The following GPX4 variants were observed in gnomAD, a reference collection of about 807,000 sequenced individuals.
The protein encoded by GPX4 is phospholipid hydroperoxide glutathione peroxidase GPX4.
In GPX4, 28 loss-of-function variants were observed where a neutral mutation model predicts 27.8. The observed-to-expected ratio is 1.01, with a 90% CI of 0.75 to 1.38. The LOEUF (loss-of-function observed/expected upper bound fraction) is 1.38. GPX4 is among the 40% of genes most tolerant of loss of function. GPX4 has a pLI of 0.00. For synonymous variants in GPX4, 163 were observed against 107.8 expected (o/e 1.51, Z -3.17); for missense variants, 357 against 274.1 (o/e 1.30, Z -2.14).
At chr19:1,105,881 C>T (rs1480396567) in intron 4 of GPX4, 72 bp downstream of exon 4, 4 of 1,435,878 alleles carry the variant, frequency 2.8e-6, no homozygotes, top group Non-Finnish European at 3.7e-6. Flanking sequence ...TCACACCTCC[C>T]TGGGGCAGAA....
At position 1,104,144 on chromosome 19, in the gene GPX4, G is replaced by A. The variant is rs1301247648; in HGVS notation, c.84+17G>A. ...GGGACCATGGTGAGCTAGCGCCGCG[G>A]CCGTTGCCGGCCCGGTGACCGTTGG... On this transcript the variant is annotated intron_variant, in intron 1 of 6. Transcript: ENST00000354171. The A allele has an allele frequency of 1.4e-6, 2 of 1,441,126 alleles. No homozygotes were observed. Among genetic ancestry groups the A allele is most frequent in the Non-Finnish European group, 9.1e-7 (1 of 1,104,284 alleles). 89.3% of individuals were successfully genotyped at this position (1,441,126 alleles called of 1,614,324 possible). A position where few individuals can be genotyped will look rare whatever the true frequency, so the allele number is the denominator to read the frequency against.
At chr19:1,106,215 G>A (rs370284106) in intron 4 of GPX4, 27 bp from the exon 5 acceptor site, 71 of 1,590,308 alleles carry the variant, frequency 4.5e-5, no homozygotes, top group Admixed American at 4.2e-4. Flanking sequence ...TGCTGGGGAC[G>A]CTCACGTCCA....
rs199948868 is a variant in GPX4 at position 1,106,533 on chromosome 19, C to T, written c.562-7C>T. 1.9e-6 allele frequency: 3 copies of T among 1,613,178 alleles called. No individual in the cohort carries two copies. The highest frequency in any genetic ancestry group is 1.3e-5 in the African/African-American group (1 of 74,872). ...AGCTGCCCTAACCCAGCTTTCCTCCCCGACAGGTGATAGAGAAGGACCTGC... is the reference window on the plus strand; with the variant it reads ...AGCTGCCCTAACCCAGCTTTCCTCCTCGACAGGTGATAGAGAAGGACCTGC... On this transcript the variant is annotated splice_polypyrimidine_tract_variant and splice_region_variant and intron_variant, in intron 6 of 6. Coordinates refer to ENST00000354171, the MANE Select transcript of GPX4 (RefSeq NM_002085.5).
chr19:1,104,100 G>T lies in GPX4; in HGVS notation c.57G>T (p.Leu19=). The stretch of plus-strand genomic sequence containing the variant: ...AGCCGGCGCTGCTCTGTGGGGCTCT[G>T]GCCGCGCCTGGCCTGGCCGGGACCA... ...LLKPALLCGA[L]AAPGLAGTMC... is the part of the protein sequence containing the mutation. The change falls in exon 1 of 7, where the codon CTG becomes CTT. Residue 19 remains leucine, a synonymous_variant. Coordinates refer to ENST00000354171, the MANE Select transcript of GPX4 (RefSeq NM_002085.5). 1 of 1,506,264 alleles carries T rather than the reference G, an allele frequency of 6.6e-7. No homozygotes were observed. Among genetic ancestry groups the T allele is most frequent in the Non-Finnish European group, 8.8e-7 (1 of 1,134,510 alleles). 93.3% of individuals were successfully genotyped at this position (1,506,264 alleles called of 1,614,324 possible).
At chr19:1,104,537 C>A in intron 1 of GPX4, 1 of 713,950 alleles carries the variant, frequency 1.4e-6, no homozygotes, top group Non-Finnish European at 1.7e-6. Flanking sequence ...CCGAGCGGGG[C>A]TGCTGCGCCC....
At chr19:1,105,053 G>C in intron 1 of GPX4, 133 bp from the exon 2 acceptor site, 1 of 1,470,154 alleles carries the variant, frequency 6.8e-7, no homozygotes, top group Middle Eastern at 2.2e-4. Context: ...TTAAGGAGGA[G>C]GAGCGTTCAG....
chr19:1,105,196 G>A lies in GPX4; in HGVS notation c.95G>A (p.Arg32Gln), dbSNP rs369712159. ...PGLAGTMCAS[R>Q]DDWRCARSMH... is the part of the protein sequence containing the mutation. ...TCCTTTGCCTTGCAGTGCGCGTCCCGGGACGACTGGCGCTGTGCGCGCTCC... is the reference window on the plus strand; with the variant it reads ...TCCTTTGCCTTGCAGTGCGCGTCCCAGGACGACTGGCGCTGTGCGCGCTCC... The change falls in exon 2 of 7, where the codon CGG becomes CAG. Residue 32 changes from arginine (R) to glutamine (Q), a missense_variant. Physicochemically the swap from Arg to Gln is conservative, Grantham distance 43. Transcript: ENST00000354171. The A allele has an allele frequency of 1.2e-6, 2 of 1,612,996 alleles. No individual in the cohort carries two copies. Among genetic ancestry groups the A allele is most frequent in the Non-Finnish European group, 1.7e-6 (2 of 1,179,884 alleles).
chr19:1,106,434 G>A lies in GPX4; in HGVS notation c.536G>A (p.Arg179His), dbSNP rs763745871. Residue 179 changes from arginine (R) to histidine (H), a missense_variant, in exon 6 of 7, where the codon CGC (arginine) becomes CAC (histidine). Arg to His is a conservative substitution (Grantham distance 29). Coordinates refer to ENST00000354171, the MANE Select transcript of GPX4 (RefSeq NM_002085.5). ...GACAAGAACGGCTGCGTGGTGAAGCGCTACGGACCCATGGAGGAGCCCCTG... is the reference window on the plus strand; with the variant it reads ...GACAAGAACGGCTGCGTGGTGAAGCACTACGGACCCATGGAGGAGCCCCTG... ...LIDKNGCVVK[R>H]YGPMEEPLVI... is the part of the protein sequence containing the mutation. 22 of 1,613,276 alleles carry A rather than the reference G, an allele frequency of 1.4e-5. No individual in the cohort carries two copies. The highest frequency in any genetic ancestry group is 9.9e-5 in the South Asian group (9 of 91,084).
chr19:1,104,401 G>A lies in GPX4; in HGVS notation c.84+274G>A, dbSNP rs2079623837. ...CGCGCGGGTCGTGGTCGGGGAAGGG[G>A]CCGTCCAGGCCGTTGCAGGCGCGCG... On this transcript the variant is annotated intron_variant, in intron 1 of 6. Coordinates refer to ENST00000354171, the MANE Select transcript of GPX4 (RefSeq NM_002085.5). 2.7e-5 allele frequency: 11 copies of A among 410,426 alleles called. No individual in the cohort carries two copies. In the East Asian group the frequency reaches 4.0e-4, roughly 15 times the overall value. The allele number at this position is 410,426 out of a possible 1,614,324, so 25.4% of individuals were successfully genotyped here. A position where few individuals can be genotyped will look rare whatever the true frequency, so the allele number is the denominator to read the frequency against.
chr19:1,104,097 T>TCTGGCCGCGC lies in GPX4; in HGVS notation c.61_70dup (p.Leu24ArgfsTer35). 1 of 1,510,532 alleles carries TCTGGCCGCGC rather than the reference T, an allele frequency of 6.6e-7. No homozygotes were observed. Among genetic ancestry groups the TCTGGCCGCGC allele is most frequent in the Non-Finnish European group, 8.8e-7 (1 of 1,136,400 alleles). The allele number at this position is 1,510,532 out of a possible 1,614,324, so 93.6% of individuals were successfully genotyped here. Reference sequence around the variant, plus strand: ...TGAAGCCGGCGCTGCTCTGTGGGGCTCTGGCCGCGCCTGGCCTGGCCGGGA... The same window carrying TCTGGCCGCGC: ...TGAAGCCGGCGCTGCTCTGTGGGGCTCTGGCCGCGCCTGGCCGCGCCTGGCCTGGCCGGGA... On this transcript the variant is annotated frameshift_variant, in exon 1 of 7. Coordinates refer to ENST00000354171, the MANE Select transcript of GPX4 (RefSeq NM_002085.5). LOFTEE classifies it high-confidence loss of function.
chr19:1,106,440 G>C lies in GPX4; in HGVS notation c.542G>C (p.Gly181Ala), dbSNP rs1241917342. The C allele has an allele frequency of 6.2e-7, 1 of 1,613,474 alleles. No homozygotes were observed. Among genetic ancestry groups the C allele is most frequent in the East Asian group, 2.2e-5 (1 of 44,876 alleles). Residue 181 changes from glycine (G) to alanine (A), a missense_variant, in exon 6 of 7, where the codon GGA becomes GCA. By Grantham distance (60) the Gly-to-Ala change is moderately conservative. Transcript: ENST00000354171. ...DKNGCVVKRY[G>A]PMEEPLVIEK... ...AACGGCTGCGTGGTGAAGCGCTACG[G>C]ACCCATGGAGGAGCCCCTGGTAGGT...
At chr19:1,104,446 G>T (rs977597176) in intron 1 of GPX4, 4 of 376,298 alleles carry the variant, frequency 1.1e-5, no homozygotes, top group Non-Finnish European at 1.7e-5. Flanking sequence ...CGGGGTCGGG[G>T]GTCCAGGCTT....
At chr19:1,105,316 C>T (rs376032528) in intron 2 of GPX4, 36 bp downstream of exon 2, 4 of 1,612,592 alleles carry the variant, frequency 2.5e-6, no homozygotes, top group Non-Finnish European at 1.7e-6. Flanking sequence ...CGGGGTCGGG[C>T]CCTGGGAGGG....
In GPX4 at chr19:1,104,906, G is replaced by C. The variant is rs1388361470; in HGVS notation, c.85-280G>C. 3 of 1,381,894 alleles carry C rather than the reference G, an allele frequency of 2.2e-6. No homozygotes were observed. The highest frequency in any genetic ancestry group is 3.3e-5 in the South Asian group (2 of 61,426). The allele number at this position is 1,381,894 out of a possible 1,614,324, so 85.6% of individuals were successfully genotyped here. Reference sequence around the variant, plus strand: ...CCGCAGCTTGCGACCGGAGATCCACGAATGTCCCAAGTCCCAGGACCCGGT... The same window carrying C: ...CCGCAGCTTGCGACCGGAGATCCACCAATGTCCCAAGTCCCAGGACCCGGT... On this transcript the variant is annotated intron_variant, in intron 1 of 6. Coordinates refer to ENST00000354171, the MANE Select transcript of GPX4 (RefSeq NM_002085.5).
At chr19:1,105,948 G>C in intron 4 of GPX4, 139 bp downstream of exon 4, 4 of 1,064,496 alleles carry the variant, frequency 3.8e-6, no homozygotes, top group Non-Finnish European at 5.4e-6. Flanking sequence ...ACATCGCGTG[G>C]CCTCCTGGGG....
intron 4 of GPX4, 127 bp downstream of exon 4, chr19:1,105,936 T>C: frequency 2.6e-6 from 3 of 1,151,716 alleles, no homozygotes; most frequent in Non-Finnish European, 3.6e-6. Flanking sequence ...GCTGGGACTC[T>C]CACATCGCGT....
At chr19:1,105,957 G>C in intron 4 of GPX4, 148 bp downstream of exon 4, 2 of 979,086 alleles carry the variant, frequency 2.0e-6, no homozygotes, top group Non-Finnish European at 3.0e-6. Context: ...GGCCTCCTGG[G>C]GGTAAGATGG....
In GPX4 at chr19:1,106,736, GC is replaced by G; in HGVS notation, c.*169del. The G allele has an allele frequency of 2.4e-6, 2 of 824,774 alleles. No individual in the cohort carries two copies. Among genetic ancestry groups the G allele is most frequent in the South Asian group, 1.8e-5 (1 of 56,802 alleles). The allele number at this position is 824,774 out of a possible 1,614,324, so 51.1% of individuals were successfully genotyped here. ...CATGGCCTGCTGGGCTTGGCTCGGC[GC>G]CCCCACCCCTGGCTACCTTGTGGGA... is the stretch of plus-strand genomic sequence containing the variant. On this transcript the variant is annotated 3_prime_UTR_variant, in exon 7 of 7. Coordinates refer to ENST00000354171, the MANE Select transcript of GPX4 (RefSeq NM_002085.5).
chr19:1,106,610 C>A lies in GPX4; in HGVS notation c.*38C>A. 6.2e-7 allele frequency: 1 copy of A among 1,611,998 alleles called. No individual in the cohort carries two copies. ...GTGGCCCCGCCCGAGCCCCTGCCCA[C>A]GCCCTTGGAGCCTTCCACCGGCACT... On this transcript the variant is annotated 3_prime_UTR_variant, in exon 7 of 7. Transcript: ENST00000354171.
Sources: allele counts gnomAD v4.1 joint callset, GRCh38; gene constraint gnomAD v4.1.1; transcripts MANE v1.5; gene names NCBI Gene and HGNC (gene_info 2026-07-23, HGNC 2026-07-21).